ACBD6: variants seen among roughly 807,000 people sequenced by gnomAD.
ACBD6 encodes the protein acyl-CoA binding domain containing 6.
In ACBD6, 28 loss-of-function variants were observed where a neutral mutation model predicts 37.2. That is an observed-to-expected ratio of 0.75 (90% confidence interval 0.56 to 1.03). The LOEUF is 1.03. ACBD6 is among the 50% of genes least tolerant of loss of function. The probability of loss-of-function intolerance (pLI) is 0.00; values close to 1 mark genes in which losing one functional copy is unlikely to be tolerated. For synonymous variants in ACBD6, 113 were observed against 126.8 expected (o/e 0.89, Z 0.73); for missense variants, 340 against 337.4 (o/e 1.01, Z -0.06).
chr1:180,461,410 G>A (rs1650141924), intron 3 of ACBD6, among the ~76,000 whole-genome samples: 2 of 152,162 alleles, frequency 1.3e-5, no homozygotes, highest in South Asian at 4.1e-4. Context: ...AGGAAATGCA[G>A]AGAACCCCAG....
intron 4 of ACBD6, among the ~76,000 whole-genome samples, chr1:180,425,023 G>A (rs972744903): frequency 6.6e-6 from 1 of 152,070 alleles, no homozygotes; most frequent in South Asian, 2.1e-4. Context: ...CGCTTTAATC[G>A]CCTTGTCATT....
intron 6 of ACBD6, among the ~76,000 whole-genome samples, chr1:180,394,473 T>C (rs892012244): frequency 1.4e-4 from 22 of 151,818 alleles, no homozygotes; most frequent in African/African-American, 5.3e-4. Context: ...GACTTTGAAA[T>C]TTACACAGAA....
At chr1:180,438,257 C>A in intron 3 of ACBD6, 1 of 152,896 alleles carries the variant, frequency 6.5e-6, no homozygotes, top group Non-Finnish European at 1.5e-5. Context: ...AAATGGTCTT[C>A]CACTAAACCA....
At chr1:180,406,320 GC>G (rs1270498103) in intron 5 of ACBD6, among the ~76,000 whole-genome samples, 1 of 152,006 alleles carries the variant, frequency 6.6e-6, no homozygotes, top group Non-Finnish European at 1.5e-5. Context: ...AATCCAAAGT[GC>G]TCCAAAGAAC....
chr1:180,370,047 A>T (rs1653199421), intron 6 of ACBD6, among the ~76,000 whole-genome samples: 1 of 152,230 alleles, frequency 6.6e-6, no homozygotes, highest in African/African-American at 2.4e-5. Flanking sequence ...CTTAGCTTAT[A>T]TCAAACACAT....
intron 7 of ACBD6, among the ~76,000 whole-genome samples, chr1:180,308,759 G>C (rs1470781850): frequency 3.3e-5 from 5 of 152,140 alleles, no homozygotes; most frequent in Admixed American, 2.0e-4. Flanking sequence ...TCCAAGCTCA[G>C]AGTTCTCCCA....
chr1:180,381,158 A>T (rs1367916171), intron 6 of ACBD6, among the ~76,000 whole-genome samples: 1 of 152,212 alleles, frequency 6.6e-6, no homozygotes, highest in East Asian at 1.9e-4. Context: ...TTAATTTAGA[A>T]AGAGGTTACA....
chr1:180,344,127 G>T (rs1421547713), intron 6 of ACBD6, among the ~76,000 whole-genome samples: 1 of 152,038 alleles, frequency 6.6e-6, no homozygotes, highest in Non-Finnish European at 1.5e-5. Flanking sequence ...TGCAACAGAG[G>T]AAAAAGAGAC....
chr1:180,480,690 C>T (rs1228536910), intron 3 of ACBD6, among the ~76,000 whole-genome samples: 2 of 152,022 alleles, frequency 1.3e-5, no homozygotes, highest in Non-Finnish European at 2.9e-5. Context: ...CTTGATTAGG[C>T]TCACATTATG....
chr1:180,360,280 A>C (rs547195055), intron 6 of ACBD6, among the ~76,000 whole-genome samples: 2 of 152,356 alleles, frequency 1.3e-5, no homozygotes, highest in African/African-American at 4.8e-5. Context: ...AAAAATGCCC[A>C]TCCACTCAAG....
chr1:180,459,967 C>CTTT (rs67323272), intron 3 of ACBD6, among the ~76,000 whole-genome samples: 188 of 107,736 alleles, frequency 1.7e-3, no homozygotes, highest in African/African-American at 3.0e-3. Flanking sequence ...CAGACTGCTT[C>CTTT]TTTTTTTTTT....
chr1:180,440,340 C>G (rs1177867507), intron 3 of ACBD6, among the ~76,000 whole-genome samples: 1 of 152,112 alleles, frequency 6.6e-6, no homozygotes. Context: ...AACTCCTGAC[C>G]TCAAGTGATC....
chr1:180,490,069 C>G (rs1651433606), intron 3 of ACBD6, among the ~76,000 whole-genome samples: 1 of 152,144 alleles, frequency 6.6e-6, no homozygotes, highest in African/African-American at 2.4e-5. Context: ...CCTTCATAGG[C>G]CAAGCATCAC....
intron 3 of ACBD6, among the ~76,000 whole-genome samples, chr1:180,443,130 T>C (rs1284015754): frequency 6.6e-6 from 1 of 152,228 alleles, no homozygotes; most frequent in East Asian, 1.9e-4. Flanking sequence ...TTGGCATGCA[T>C]TAAGTTACTT....
intron 3 of ACBD6, among the ~76,000 whole-genome samples, chr1:180,444,475 A>C (rs1269265476): frequency 6.6e-6 from 1 of 152,230 alleles, no homozygotes; most frequent in Non-Finnish European, 1.5e-5. Flanking sequence ...TAAAAAGATT[A>C]TATCTTAGGC....
intron 7 of ACBD6, among the ~76,000 whole-genome samples, chr1:180,290,661 G>T (rs1474003378): frequency 1.3e-5 from 2 of 152,238 alleles, no homozygotes; most frequent in African/African-American, 4.8e-5. Context: ...GAGGGATCAG[G>T]AAACACTACA....
chr1:180,396,738 T>C (rs1230335170), intron 6 of ACBD6, among the ~76,000 whole-genome samples: 2 of 149,028 alleles, frequency 1.3e-5, no homozygotes, highest in South Asian at 2.1e-4. Flanking sequence ...AATTATACCA[T>C]GATGAGATAT....
At chr1:180,300,581 G>A (rs761269196) in intron 7 of ACBD6, among the ~76,000 whole-genome samples, 4 of 151,844 alleles carry the variant, frequency 2.6e-5, no homozygotes, top group Non-Finnish European at 4.4e-5. Context: ...TATTTGTAAC[G>A]CCAGAACTTA....
chr1:180,321,642 T>C (rs1167316875), intron 6 of ACBD6, among the ~76,000 whole-genome samples: 3 of 152,152 alleles, frequency 2.0e-5, no homozygotes, highest in African/African-American at 4.8e-5. Context: ...CACTTCAGCC[T>C]GGGTGACAGA....
Sources: allele counts gnomAD v4.1 joint callset (sites outside exome capture counted in the v4.1 genomes callset), GRCh38; gene constraint gnomAD v4.1.1; transcripts MANE v1.5; gene names NCBI Gene and HGNC (gene_info 2026-07-23, HGNC 2026-07-21).